The following TMEM182 variants were observed in gnomAD, a reference collection of about 807,000 sequenced individuals.
The protein encoded by TMEM182 is transmembrane protein 182.
In TMEM182, 20 loss-of-function variants were observed where a neutral mutation model predicts 26.8. That is an observed-to-expected ratio of 0.75 (90% CI 0.53 to 1.09). TMEM182 has a LOEUF of 1.09. TMEM182 is among the 50% of genes least tolerant of loss of function. TMEM182 has a pLI of 0.00. For missense variants in TMEM182, 277 were observed against 275.5 expected (o/e 1.01, Z -0.04); for synonymous variants, 109 against 102.2 (o/e 1.07, Z -0.40).
intron 3 of TMEM182, among the ~76,000 whole-genome samples, chr2:102,778,023 G>A (rs1017301023): frequency 2.0e-5 from 3 of 151,880 alleles, no homozygotes; most frequent in African/African-American, 7.2e-5. Context: ...GTTAGATTCT[G>A]TTGGTTGATG....
intron 3 of TMEM182, among the ~76,000 whole-genome samples, chr2:102,772,939 GGTGTGT>G (rs71948151): frequency 2.0e-5 from 3 of 147,902 alleles, no homozygotes; most frequent in African/African-American, 7.4e-5. Context: ...CTCTCTGAAG[GGTGTGT>G]GTGTGTGTGT....
intron 4 of TMEM182, among the ~76,000 whole-genome samples, chr2:102,809,163 G>T (rs1032781535): frequency 1.3e-5 from 2 of 152,080 alleles, no homozygotes; most frequent in Non-Finnish European, 2.9e-5. Flanking sequence ...CAAACTTTAG[G>T]TATGGGCTGA....
intron 1 of TMEM182, among the ~76,000 whole-genome samples, chr2:102,743,713 G>A (rs912235893): frequency 1.3e-5 from 2 of 152,218 alleles, no homozygotes; most frequent in African/African-American, 2.4e-5. Context: ...ACTATATGCT[G>A]TATACACAAA....
At chr2:102,790,620 G>A (rs538491818) in intron 3 of TMEM182, among the ~76,000 whole-genome samples, 56 of 152,114 alleles carry the variant, frequency 3.7e-4, no homozygotes, top group African/African-American at 1.3e-3. Flanking sequence ...TTTACTTCAC[G>A]GCCTTCATTG....
intron 4 of TMEM182, among the ~76,000 whole-genome samples, chr2:102,809,102 T>C (rs1340011602): frequency 1.3e-5 from 2 of 152,328 alleles, no homozygotes; most frequent in East Asian, 3.9e-4. Context: ...CCTGGAATAC[T>C]TTTGCCCATT....
chr2:102,801,208 T>C (rs931653540), intron 4 of TMEM182, among the ~76,000 whole-genome samples: 2 of 152,128 alleles, frequency 1.3e-5, no homozygotes, highest in Non-Finnish European at 1.5e-5. Context: ...TACTTTACAT[T>C]TGACTTTTAT....
At chr2:102,831,560 A>G (rs904417276) in intron 3 of TMEM182, among the ~76,000 whole-genome samples, 1 of 151,972 alleles carries the variant, frequency 6.6e-6, no homozygotes, top group African/African-American at 2.4e-5. Context: ...AGTTTAAGAC[A>G]AGCCTGGCCA....
intron 1 of TMEM182, among the ~76,000 whole-genome samples, chr2:102,744,929 G>T (rs146034231): frequency 6.6e-6 from 1 of 152,074 alleles, no homozygotes; most frequent in Non-Finnish European, 1.5e-5. Context: ...TGCATTTCCT[G>T]TCTCTGTCAT....
intron 3 of TMEM182, among the ~76,000 whole-genome samples, chr2:102,770,643 G>A (rs536759568): frequency 6.6e-6 from 1 of 152,264 alleles, no homozygotes; most frequent in African/African-American, 2.4e-5. Context: ...TCACAAAGGG[G>A]TTGTATCAGA....
At chr2:102,824,031 A>C (rs1682980749) in intron 3 of TMEM182, among the ~76,000 whole-genome samples, 1 of 152,214 alleles carries the variant, frequency 6.6e-6, no homozygotes, top group Admixed American at 6.5e-5. Flanking sequence ...GTGTGAAATA[A>C]AAGATTCAGA....
intron 3 of TMEM182, among the ~76,000 whole-genome samples, chr2:102,796,267 C>G (rs1490704574): frequency 6.6e-6 from 1 of 152,218 alleles, no homozygotes; most frequent in African/African-American, 2.4e-5. Flanking sequence ...TAAGACTTGA[C>G]TTTCCTTCTC....
chr2:102,840,548 G>A (rs1456315660), intron 3 of TMEM182, among the ~76,000 whole-genome samples: 1 of 152,150 alleles, frequency 6.6e-6, no homozygotes, highest in Non-Finnish European at 1.5e-5. Flanking sequence ...AGGGGGTGAG[G>A]TAGCGTGAGT....
chr2:102,800,960 G>A (rs750312992), intron 4 of TMEM182, among the ~76,000 whole-genome samples: 6 of 152,122 alleles, frequency 3.9e-5, no homozygotes, highest in Middle Eastern at 3.4e-3. Context: ...AGCATTTAAT[G>A]TACTCATATA....
intron 3 of TMEM182, among the ~76,000 whole-genome samples, chr2:102,836,260 A>T (rs1337172977): frequency 1.3e-5 from 2 of 152,176 alleles, no homozygotes; most frequent in Non-Finnish European, 2.9e-5. Flanking sequence ...AAAGATTATA[A>T]TTGCTGGATC....
intron 4 of TMEM182, among the ~76,000 whole-genome samples, chr2:102,807,867 G>A (rs1171597644): frequency 6.6e-6 from 1 of 152,148 alleles, no homozygotes; most frequent in Non-Finnish European, 1.5e-5. Flanking sequence ...TGCAAATATT[G>A]TAGCATTTTT....
intron 3 of TMEM182, among the ~76,000 whole-genome samples, chr2:102,829,718 GT>G (rs977447314): frequency 3.3e-5 from 5 of 151,852 alleles, no homozygotes; most frequent in African/African-American, 4.8e-5. Flanking sequence ...ATGGTCCAGA[GT>G]TTTTTTTGCC....
chr2:102,762,607 C>T lies in TMEM182; in HGVS notation c.153C>T (p.His51=). 1 of 1,613,688 alleles carries T rather than the reference C, an allele frequency of 6.2e-7. No individual in the cohort carries two copies. The highest frequency in any genetic ancestry group is 8.5e-7 in the Non-Finnish European group (1 of 1,179,824). ...TGCAGATAGAGAACGTCACTTTTCA[C>T]CATGAAGGGTTCTTCTGGAGGTGTT... is the stretch of plus-strand genomic sequence containing the variant. ...GEKNIENVTF[H]HEGFFWRCWF... Residue 51 remains histidine (H), a synonymous_variant, in exon 2 of 5, where the codon CAC becomes CAT. Transcript: ENST00000412401.
intron 3 of TMEM182, among the ~76,000 whole-genome samples, chr2:102,781,255 C>T (rs1342541392): frequency 6.6e-6 from 1 of 151,932 alleles, no homozygotes; most frequent in Non-Finnish European, 1.5e-5. Context: ...AGGGAAAGAG[C>T]AGTCATTAAT....
intron 3 of TMEM182, among the ~76,000 whole-genome samples, chr2:102,773,950 C>T (rs879221257): frequency 2.0e-5 from 3 of 152,018 alleles, no homozygotes; most frequent in Admixed American, 2.0e-4. Flanking sequence ...TTGCTATGTA[C>T]TTTAAAATAT....
Sources: allele counts gnomAD v4.1 joint callset (sites outside exome capture counted in the v4.1 genomes callset), GRCh38; gene constraint gnomAD v4.1.1; transcripts MANE v1.5; gene names NCBI Gene and HGNC (gene_info 2026-07-23, HGNC 2026-07-21).